Variants in VEZT observed in about 807,000 individuals in gnomAD.
The protein encoded by VEZT is vezatin.
In VEZT, 39 loss-of-function variants were observed where a neutral mutation model predicts 79.9. That is an observed-to-expected ratio of 0.49 (90% CI 0.38 to 0.64). The LOEUF is 0.64. VEZT is among the 30% of genes least tolerant of loss of function. VEZT has a pLI of 0.00. For missense variants in VEZT, 837 were observed against 893.1 expected (o/e 0.94, Z 0.80); for synonymous variants, 325 against 327.6 (o/e 0.99, Z 0.09).
At chr12:95,276,573 A>G (rs2067827901) in intron 7 of VEZT, among the ~76,000 whole-genome samples, 1 of 152,106 alleles carries the variant, frequency 6.6e-6, no homozygotes, top group Non-Finnish European at 1.5e-5. Flanking sequence ...CCCAGCCTCC[A>G]GTAGTATTTT....
intron 8 of VEZT, chr12:95,286,913 A>C (rs1434955929): frequency 6.3e-6 from 1 of 159,084 alleles, no homozygotes; most frequent in Admixed American, 8.2e-5. Flanking sequence ...TGGTGTCTCC[A>C]GTCTTGCATG....
intron 1 of VEZT, among the ~76,000 whole-genome samples, chr12:95,243,485 G>C (rs915180674): frequency 6.6e-6 from 1 of 150,776 alleles, no homozygotes; most frequent in Non-Finnish European, 1.5e-5. Flanking sequence ...CTTTTTTCTT[G>C]GTGTATTTTA....
intron 2 of VEZT, among the ~76,000 whole-genome samples, chr12:95,252,676 A>C (rs2062796395): frequency 6.6e-6 from 1 of 152,198 alleles, no homozygotes; most frequent in Non-Finnish European, 1.5e-5. Flanking sequence ...AAAATAAGAA[A>C]TTTATGGGCC....
chr12:95,297,212 A>G (rs1266948353), intron 11 of VEZT, among the ~76,000 whole-genome samples: 1 of 152,206 alleles, frequency 6.6e-6, no homozygotes, highest in Non-Finnish European at 1.5e-5. Context: ...GAAGCTTAAT[A>G]CTTGACAGTA....
At chr12:95,275,888 A>G (rs2067594290) in intron 7 of VEZT, 1 of 151,318 alleles carries the variant, frequency 6.6e-6, no homozygotes, top group African/African-American at 2.4e-5. Context: ...AAAACAAGAA[A>G]AGAAGAAATA....
intron 1 of VEZT, chr12:95,231,335 G>A (rs1028472222): frequency 6.6e-6 from 1 of 152,252 alleles, no homozygotes; most frequent in East Asian, 1.9e-4. Context: ...ATAATGTTCA[G>A]ATTTTTTTTC....
At chr12:95,278,084 G>C (rs780529324) in intron 7 of VEZT, among the ~76,000 whole-genome samples, 1 of 152,192 alleles carries the variant, frequency 6.6e-6, no homozygotes, top group Non-Finnish European at 1.5e-5. Flanking sequence ...GTGTGGTCCT[G>C]AGCAAATCAT....
chr12:95,278,806 C>T (rs553779836), intron 7 of VEZT, among the ~76,000 whole-genome samples: 4 of 152,322 alleles, frequency 2.6e-5, no homozygotes, highest in South Asian at 2.1e-4. Context: ...CCGTGGCTCA[C>T]GCCTGTAATC....
At chr12:95,297,765 ATCT>A (rs1473283783) in intron 11 of VEZT, among the ~76,000 whole-genome samples, 1 of 152,162 alleles carries the variant, frequency 6.6e-6, no homozygotes, top group African/African-American at 2.4e-5. Flanking sequence ...TACTATAGAT[ATCT>A]TCTTATGTTT....
chr12:95,292,688 A>G (rs2073204265), intron 9 of VEZT, among the ~76,000 whole-genome samples: 1 of 151,784 alleles, frequency 6.6e-6, no homozygotes, highest in African/African-American at 2.4e-5. Flanking sequence ...AGCTGGGACT[A>G]CAGGCGCATG....
intron 1 of VEZT, among the ~76,000 whole-genome samples, chr12:95,244,941 T>A (rs937417583): frequency 6.6e-6 from 1 of 152,178 alleles, no homozygotes; most frequent in Admixed American, 6.5e-5. Context: ...TATTTTAAAA[T>A]ACCACTTTTG....
At chr12:95,238,442 A>G (rs191748489) in intron 1 of VEZT, among the ~76,000 whole-genome samples, 59 of 152,310 alleles carry the variant, frequency 3.9e-4, no homozygotes, top group Admixed American at 3.9e-3. Context: ...AAATATATAT[A>G]GTAACTCTGT....
At chr12:95,225,510 T>TCG (rs1305211259) in intron 1 of VEZT, among the ~76,000 whole-genome samples, 7 of 151,696 alleles carry the variant, frequency 4.6e-5, no homozygotes, top group Non-Finnish European at 1.0e-4. Flanking sequence ...TGAGCCAAGA[T>TCG]CGCGCCACTG....
Position 95,252,017 on chromosome 12 carries a change from AG to A in VEZT, c.115del (p.Glu39LysfsTer23). On this transcript the variant is annotated frameshift_variant, in exon 2 of 12. Transcript: ENST00000436874. LOFTEE classifies it high-confidence loss of function. Reference protein sequence around the residue: ...EICSSLSPKTEKCTTEGQQKP... With the variant: ...EICSSLSPKTXKCTTEGQQKP... Reference sequence around the variant, plus strand: ...TATGTTCTTCTTTGTCACCAAAAACAGAAAAATGCACAACAGAGGGACAACA... The same window carrying A: ...TATGTTCTTCTTTGTCACCAAAAACAAAAAATGCACAACAGAGGGACAACA... 1 of 1,612,882 alleles carries A rather than the reference AG, an allele frequency of 6.2e-7. No individual in the cohort carries two copies. The highest frequency in any genetic ancestry group is 8.5e-7 in the Non-Finnish European group (1 of 1,179,402).
At chr12:95,235,230 G>A (rs1388651688) in intron 1 of VEZT, among the ~76,000 whole-genome samples, 1 of 148,908 alleles carries the variant, frequency 6.7e-6, no homozygotes, top group Non-Finnish European at 1.5e-5. Flanking sequence ...CCCAGTAGGG[G>A]CGGCCGGGCA....
At chr12:95,242,716 T>G (rs962713297) in intron 1 of VEZT, among the ~76,000 whole-genome samples, 5 of 151,936 alleles carry the variant, frequency 3.3e-5, no homozygotes, top group Admixed American at 2.6e-4. Flanking sequence ...TTTGTAAAAA[T>G]ACAAAAGTCA....
intron 8 of VEZT, among the ~76,000 whole-genome samples, chr12:95,283,812 A>G (rs1048222254): frequency 2.6e-5 from 4 of 152,182 alleles, no homozygotes; most frequent in African/African-American, 9.7e-5. Context: ...CTGCTGTTCT[A>G]AGAAAGCAGG....
In VEZT at chr12:95,251,560, T is replaced by A. The variant is rs143389259; in HGVS notation, c.37-380T>A. ...TTGTTTAATTATTCTTGGCTTTGAG[T>A]AATAACATTGTCGTTTGAGTTATCT... On this transcript the variant is annotated intron_variant, in intron 1 of 11. Transcript: ENST00000436874. 6.0e-3 allele frequency among the ~76,000 whole-genome samples: 920 copies of A among 152,334 alleles called. 12 individuals are homozygous for A. Among genetic ancestry groups the A allele is most frequent in the African/African-American group, 0.021 (870 of 41,574 alleles).
intron 2 of VEZT, 57 bp from the exon 3 acceptor site, chr12:95,257,093 T>G: frequency 7.1e-7 from 1 of 1,401,226 alleles, no homozygotes; most frequent in Non-Finnish European, 9.7e-7. Flanking sequence ...TTTGAAGTTT[T>G]TCTGCTGTTT....
Sources: gnomAD v4.1 joint callset for allele counts (sites outside exome capture counted in the v4.1 genomes callset) on GRCh38, gnomAD v4.1.1 for gene constraint, MANE v1.5 for transcripts, NCBI Gene and HGNC (gene_info 2026-07-23, HGNC 2026-07-21) for gene names.